The following CFTR variants were observed in gnomAD, a reference collection of about 807,000 sequenced individuals.
CFTR encodes the protein cystic fibrosis transmembrane conductance regulator.
Under a neutral mutation model 171.6 loss-of-function variants are expected in CFTR, and 181 were observed. The observed-to-expected ratio is 1.05, with a 90% CI of 0.93 to 1.19. The LOEUF (loss-of-function observed/expected upper bound fraction) is 1.19, where lower values mean the gene tolerates loss of function less well. Among genes scored for constraint, CFTR ranks in the 50% most tolerant of loss-of-function variants. The pLI is 0.00. For synonymous variants in CFTR, 583 were observed against 608.0 expected (o/e 0.96, Z 0.60); for missense variants, 1,968 against 1,734.7 (o/e 1.13, Z -2.39).
chr7:117,488,864 T>C (rs1562878472), intron 1 of CFTR, among the ~76,000 whole-genome samples: 1 of 152,074 alleles, frequency 6.6e-6, no homozygotes, highest in Non-Finnish European at 1.5e-5. Flanking sequence ...TTATAATTGA[T>C]GTCAAAAGAA....
intron 22 of CFTR, among the ~76,000 whole-genome samples, chr7:117,637,680 C>A (rs1156645797): frequency 6.6e-6 from 1 of 152,048 alleles, no homozygotes; most frequent in Non-Finnish European, 1.5e-5. Flanking sequence ...AGTTCGAGAC[C>A]AGCCTGGCCA....
chr7:117,624,202 C>G (rs1025404103), intron 21 of CFTR, among the ~76,000 whole-genome samples: 3 of 152,074 alleles, frequency 2.0e-5, no homozygotes, highest in African/African-American at 7.2e-5. Flanking sequence ...AGAGATTTTG[C>G]TGGGTTCTAA....
At position 117,592,758 on chromosome 7, in the gene CFTR, G is replaced by T. The variant is rs564702191; in HGVS notation, c.2490+101G>T. The T allele has an allele frequency of 5.7e-5, 59 of 1,033,996 alleles. 1 individual carries two copies. The South Asian group carries it at 1.7e-3, about 29-fold the overall frequency. 64.1% of individuals were successfully genotyped at this position (1,033,996 alleles called of 1,614,324 possible). On this transcript the variant is annotated intron_variant, in intron 14 of 26. Transcript: ENST00000003084. ...AAATTTACTAAAATCATAGGATTAG[G>T]ATAAGGTGTATCTTAAAACTCAGAA... is the stretch of plus-strand genomic sequence containing the variant.
intron 23 of CFTR, among the ~76,000 whole-genome samples, chr7:117,649,951 A>T (rs918685539): frequency 2.6e-5 from 4 of 152,098 alleles, no homozygotes; most frequent in African/African-American, 4.8e-5. Flanking sequence ...AGGGAATGAG[A>T]TTCCCAAGCA....
At chr7:117,654,433 G>T (rs1793134951) in intron 24 of CFTR, among the ~76,000 whole-genome samples, 1 of 152,066 alleles carries the variant, frequency 6.6e-6, no homozygotes, top group Non-Finnish European at 1.5e-5. Context: ...GGAGTATGGG[G>T]AGCTGATATG....
chr7:117,562,448 A>T (rs1279064027), intron 11 of CFTR, among the ~76,000 whole-genome samples: 1 of 152,338 alleles, frequency 6.6e-6, no homozygotes, highest in East Asian at 1.9e-4. Context: ...CACAATTTAC[A>T]GAAGTTGGTA....
chr7:117,488,109 G>A (rs1798102394), intron 1 of CFTR, among the ~76,000 whole-genome samples: 1 of 152,082 alleles, frequency 6.6e-6, no homozygotes, highest in Non-Finnish European at 1.5e-5. Context: ...TTTGTGTAAA[G>A]GGCTAGATAG....
chr7:117,636,430 C>T (rs1168897404), intron 22 of CFTR, among the ~76,000 whole-genome samples: 1 of 151,968 alleles, frequency 6.6e-6, no homozygotes, highest in African/African-American at 2.4e-5. Context: ...GGTATGGTAT[C>T]TGACACTAAT....
At position 117,530,975 on chromosome 7, in the gene CFTR, G is replaced by A. The variant is rs78655421; in HGVS notation, c.350G>A (p.Arg117His). The stretch of plus-strand genomic sequence containing the variant: ...TATGACCCGGATAACAAGGAGGAAC[G>A]CTCTATCGCGATTTATCTAGGCATA... ...ASYDPDNKEERSIAIYLGIGL... is the reference protein window; with the variant it reads ...ASYDPDNKEEHSIAIYLGIGL... The change falls in exon 4 of 27, where the codon CGC (arginine) becomes CAC (histidine). Residue 117 changes from arginine to histidine, a missense_variant. Transcript: ENST00000003084. The A allele has an allele frequency of 2.1e-3, 3,445 of 1,613,574 alleles. 6 individuals carry two copies. The highest frequency in any genetic ancestry group is 2.7e-3 in the Non-Finnish European group (3,197 of 1,179,756).
In CFTR at chr7:117,613,999, CTTTTTTT is replaced by C. The variant is rs752774658; in HGVS notation, c.3368-595_3368-589del. On this transcript the variant is annotated intron_variant, in intron 20 of 26. Coordinates refer to ENST00000003084, the MANE Select transcript of CFTR (RefSeq NM_000492.4). ...TGTTGTTCTTCCCAGGTACAGTAAT[CTTTTTTT>C]TTTTTTTTTTTTTTTTTTGCATAGA... is the stretch of plus-strand genomic sequence containing the variant. 8.5e-3 allele frequency among the ~76,000 whole-genome samples: 619 copies of C among 72,498 alleles called. 3 individuals are homozygous for C. Among genetic ancestry groups the C allele is most frequent in the African/African-American group, 0.029 (564 of 19,182 alleles). 47.6% of individuals were successfully genotyped at this position (72,498 alleles called of 152,430 possible). A position where few individuals can be genotyped will look rare whatever the true frequency, so the allele number is the denominator to read the frequency against.
At position 117,627,590 on chromosome 7, in the gene CFTR, C is replaced by T. The variant is rs781434862; in HGVS notation, c.3537C>T (p.Thr1179=). 1 of 1,613,244 alleles carries T rather than the reference C, an allele frequency of 6.2e-7. No homozygotes were observed. Among genetic ancestry groups the T allele is most frequent in the African/African-American group, 1.3e-5 (1 of 74,868 alleles). ...MPTEGKPTKS[T]KPYKNGQLSK... ...CAGAAGGTAAACCTACCAAGTCAACCAAACCATACAAGAATGGCCAACTCT... is the reference window on the plus strand; with the variant it reads ...CAGAAGGTAAACCTACCAAGTCAACTAAACCATACAAGAATGGCCAACTCT... Residue 1179 remains threonine (T), a synonymous_variant, in exon 22 of 27, where the codon ACC becomes ACT. Coordinates refer to ENST00000003084, the MANE Select transcript of CFTR (RefSeq NM_000492.4).
At chr7:117,597,381 G>A (rs1024652692) in intron 15 of CFTR, among the ~76,000 whole-genome samples, 23 of 152,216 alleles carry the variant, frequency 1.5e-4, no homozygotes, top group African/African-American at 4.6e-4. Flanking sequence ...CACCAATTCC[G>A]GACACAATTT....
chr7:117,559,571 C>A lies in CFTR; in HGVS notation c.1500C>A (p.Gly500=), dbSNP rs762619288. 2.5e-5 allele frequency: 40 copies of A among 1,611,832 alleles called. No individual in the cohort carries two copies. The East Asian group carries it at 8.9e-4, about 36-fold the overall frequency. ...CTCAGTTTTCCTGGATTATGCCTGGCACCATTAAAGAAAATATCATCTTTG... is the reference window on the plus strand; with the variant it reads ...CTCAGTTTTCCTGGATTATGCCTGGAACCATTAAAGAAAATATCATCTTTG... ...FCSQFSWIMP[G]TIKENIIFGV... The change falls in exon 11 of 27, where the codon GGC becomes GGA. Residue 500 remains glycine (G), a synonymous_variant. Coordinates refer to ENST00000003084, the MANE Select transcript of CFTR (RefSeq NM_000492.4).
intron 21 of CFTR, among the ~76,000 whole-genome samples, chr7:117,616,685 T>G (rs1387852531): frequency 6.6e-6 from 1 of 152,134 alleles, no homozygotes; most frequent in African/African-American, 2.4e-5. Context: ...TTTGATATCG[T>G]GCCTTTCATC....
Position 117,534,478 on chromosome 7 carries a change from C to T in CFTR, c.579+113C>T, listed in dbSNP as rs73715571. 7.6e-3 allele frequency: 5,256 copies of T among 695,348 alleles called. 206 individuals are homozygous for T. In the African/African-American group the frequency reaches 0.085, roughly 11 times the overall value. The allele number at this position is 695,348 out of a possible 1,614,324, so 43.1% of individuals were successfully genotyped here. A position where few individuals can be genotyped will look rare whatever the true frequency, so the allele number is the denominator to read the frequency against. On this transcript the variant is annotated intron_variant, in intron 5 of 26. Coordinates refer to ENST00000003084, the MANE Select transcript of CFTR (RefSeq NM_000492.4). ...TAATTAGTGGTTAAGTCTTGCTCAG[C>T]TCTAGCTTCCCTATTCTGGAAACTA...
Position 117,629,020 on chromosome 7 carries a change from C to T in CFTR, c.3717+1250C>T, listed in dbSNP as rs560191444. 3.9e-5 allele frequency among the ~76,000 whole-genome samples: 6 copies of T among 152,206 alleles called. No individual in the cohort carries two copies. The East Asian group carries it at 1.2e-3, about 29-fold the overall frequency. The stretch of plus-strand genomic sequence containing the variant: ...CTTTGCTTTGCTGATGCTCATTTGT[C>T]CACTAAATTAAACTCAAGCAAGCCC... On this transcript the variant is annotated intron_variant, in intron 22 of 26. Coordinates refer to ENST00000003084, the MANE Select transcript of CFTR (RefSeq NM_000492.4).
intron 1 of CFTR, among the ~76,000 whole-genome samples, chr7:117,501,226 G>GTTCT (rs1346158924): frequency 2.0e-5 from 3 of 152,030 alleles, no homozygotes; most frequent in Non-Finnish European, 4.4e-5. Flanking sequence ...TTTACTAAAT[G>GTTCT]TTCTACAGGT....
chr7:117,500,721 A>G (rs1798311778), intron 1 of CFTR, among the ~76,000 whole-genome samples: 1 of 152,086 alleles, frequency 6.6e-6, no homozygotes, highest in Non-Finnish European at 1.5e-5. Context: ...TTTACCTTAA[A>G]CCCAATTTGT....
At chr7:117,594,022 C>CT (rs1792080389) in intron 14 of CFTR, among the ~76,000 whole-genome samples, 1 of 152,170 alleles carries the variant, frequency 6.6e-6, no homozygotes, top group Non-Finnish European at 1.5e-5. Context: ...TAATGGATTG[C>CT]ATCTAGTGCT....
Sources: allele counts gnomAD v4.1 joint callset (sites outside exome capture counted in the v4.1 genomes callset), GRCh38; gene constraint gnomAD v4.1.1; transcripts MANE v1.5; gene names NCBI Gene and HGNC (gene_info 2026-07-23, HGNC 2026-07-21).